The following PCDHGA8 variants were observed in gnomAD, a reference collection of about 807,000 sequenced individuals.
PCDHGA8 encodes the protein protocadherin gamma-A8.
PCDHGA8 carries 45 observed loss-of-function variants against 59.2 expected under a neutral mutation model. The ratio of observed to expected loss-of-function variants is 0.76; its 90% CI spans 0.60 to 0.98. The LOEUF (loss-of-function observed/expected upper bound fraction) is 0.98. Among genes scored for constraint, PCDHGA8 ranks in the 50% least tolerant of loss-of-function variants. The pLI is 0.00. For missense variants in PCDHGA8, 1,257 were observed against 1,196.2 expected (o/e 1.05, Z -0.75); for synonymous variants, 531 against 519.0 (o/e 1.02, Z -0.32).
chr5:141,410,087 G>A (rs1427716409), intron 1 of PCDHGA8: 1 of 1,612,482 alleles, frequency 6.2e-7, no homozygotes, highest in African/African-American at 1.3e-5. Flanking sequence ...GGTGCGCACG[G>A]CTCGAGCCTT....
intron 1 of PCDHGA8, among the ~76,000 whole-genome samples, chr5:141,401,792 T>C (rs1359997438): frequency 6.6e-6 from 1 of 152,212 alleles, no homozygotes; most frequent in Non-Finnish European, 1.5e-5. Context: ...CCTTAGTATG[T>C]GATTCAGTAA....
Position 141,393,642 on chromosome 5 carries a change from G to C in PCDHGA8, c.829G>C (p.Val277Leu). 1 of 1,613,940 alleles carries C rather than the reference G, an allele frequency of 6.2e-7. No individual in the cohort carries two copies. Among genetic ancestry groups the C allele is most frequent in the Non-Finnish European group, 8.5e-7 (1 of 1,179,906 alleles). Residue 277 changes from valine to leucine, a missense_variant, in exon 1 of 4, where the codon GTG (valine) becomes CTG (leucine). Coordinates refer to ENST00000398604, the MANE Select transcript of PCDHGA8 (RefSeq NM_032088.2). ...CCCGGATGAGGGAATCAACGGAAAA[G>C]TGGCATACAAATTCCGGAAAATTAA... Reference protein sequence around the residue: ...SDPDEGINGKVAYKFRKINEK... With the variant: ...SDPDEGINGKLAYKFRKINEK...
At chr5:141,430,301 C>G (rs985986465) in intron 1 of PCDHGA8, among the ~76,000 whole-genome samples, 2 of 150,982 alleles carry the variant, frequency 1.3e-5, no homozygotes, top group Non-Finnish European at 2.9e-5. Context: ...AGCAGATGCA[C>G]TAACATTATA....
intron 1 of PCDHGA8, among the ~76,000 whole-genome samples, chr5:141,407,049 C>T (rs1483952329): frequency 6.6e-6 from 1 of 152,162 alleles, no homozygotes. Context: ...TCCATAGATA[C>T]ACTGATGACT....
chr5:141,420,028 A>C, intron 1 of PCDHGA8: 2 of 1,614,076 alleles, frequency 1.2e-6, no homozygotes, highest in Non-Finnish European at 1.7e-6. Flanking sequence ...GCCCTACTGC[A>C]GGAGACTGCT....
intron 2 of PCDHGA8, among the ~76,000 whole-genome samples, chr5:141,497,642 C>T (rs1426920174): frequency 1.3e-5 from 2 of 151,352 alleles, no homozygotes; most frequent in Middle Eastern, 3.4e-3. Context: ...CAGGTTCAAG[C>T]GATTCTCCTG....
chr5:141,425,869 C>G (rs1376765137), intron 1 of PCDHGA8, among the ~76,000 whole-genome samples: 1 of 152,198 alleles, frequency 6.6e-6, no homozygotes, highest in Non-Finnish European at 1.5e-5. Flanking sequence ...TATAGATTCC[C>G]ATCTCTAAGG....
In PCDHGA8 at chr5:141,431,584, G is replaced by C. The variant is rs201462681; in HGVS notation, c.2424+36347G>C. 5.0e-6 allele frequency: 8 copies of C among 1,614,192 alleles called. No individual in the cohort carries two copies. The Admixed American group carries it at 1.3e-4, about 27-fold the overall frequency. ...CCGACCCTGACGAAGGAGTCAATGC[G>C]GAAGTGAGGTATTCCTTCCGGTATG... On this transcript the variant is annotated intron_variant, in intron 1 of 3. Transcript: ENST00000398604. This position sits in a 1 kb window ranked among gnomAD's most constrained non-coding sequence, Gnocchi z 4.8.
rs201704748 is a variant in PCDHGA8, at chr5:141,431,453, G to A, written c.2424+36216G>A. The A allele has an allele frequency of 5.7e-4, 914 of 1,613,802 alleles. 10 individuals are homozygous for A. The South Asian group carries it at 9.6e-3, about 17-fold the overall frequency. ...AGGCACCGCGCGCATCCGCGTGATG[G>A]TTCTGGATGCGAACGACAACGCACC... On this transcript the variant is annotated intron_variant, in intron 1 of 3. Coordinates refer to ENST00000398604, the MANE Select transcript of PCDHGA8 (RefSeq NM_032088.2). This position sits in a 1 kb window ranked among gnomAD's most constrained non-coding sequence, Gnocchi z 4.8.
intron 1 of PCDHGA8, chr5:141,478,533 C>G: frequency 6.2e-7 from 1 of 1,608,070 alleles, no homozygotes; most frequent in African/African-American, 1.3e-5. Context: ...GCAGAGAGCG[C>G]CCCTCCCGGA....
At chr5:141,494,355 G>T (rs910437011) in intron 1 of PCDHGA8, among the ~76,000 whole-genome samples, 4 of 152,234 alleles carry the variant, frequency 2.6e-5, no homozygotes, top group African/African-American at 9.6e-5. Flanking sequence ...CCATCTTGCT[G>T]CAGAGGATGC....
chr5:141,413,343 G>A, intron 1 of PCDHGA8: 12 of 1,613,994 alleles, frequency 7.4e-6, no homozygotes, highest in Non-Finnish European at 1.0e-5. Context: ...CCAAGGACTT[G>A]GGTCTGGCGC....
intron 1 of PCDHGA8, chr5:141,414,557 A>C: frequency 6.2e-7 from 1 of 1,613,906 alleles, no homozygotes. Flanking sequence ...CAAGTCTCCT[A>C]CTTTACCTAT....
Position 141,432,390 on chromosome 5 carries a change from G to A in PCDHGA8, c.2424+37153G>A. The A allele has an allele frequency of 6.2e-7, 1 of 1,614,256 alleles. No homozygotes were observed. The highest frequency in any genetic ancestry group is 8.5e-7 in the Non-Finnish European group (1 of 1,180,046). On this transcript the variant is annotated intron_variant, in intron 1 of 3. Transcript: ENST00000398604. This position sits in a 1 kb window ranked among gnomAD's most constrained non-coding sequence, Gnocchi z 6.0. ...GACAACGGGCACCCGCCCCTCAGCA[G>A]CAACGTGTCGTTGAGCCTGTTCGTG... is the stretch of plus-strand genomic sequence containing the variant.
chr5:141,476,564 C>G lies in PCDHGA8; in HGVS notation c.2425-18243C>G, dbSNP rs2099393821. 1.2e-6 allele frequency: 2 copies of G among 1,614,196 alleles called. No individual in the cohort carries two copies. Among genetic ancestry groups the G allele is most frequent in the South Asian group, 1.1e-5 (1 of 91,086 alleles). ...ATTGGAGATTAGCGAGGCCGTGGCT[C>G]CGGGGACGCGCTTTCCGCTCGAGAG... On this transcript the variant is annotated intron_variant, in intron 1 of 3. Coordinates refer to ENST00000398604, the MANE Select transcript of PCDHGA8 (RefSeq NM_032088.2). This position sits in a 1 kb window ranked among gnomAD's most constrained non-coding sequence, Gnocchi z 7.6.
At chr5:141,437,896 C>T (rs943440712) in intron 1 of PCDHGA8, among the ~76,000 whole-genome samples, 2 of 152,128 alleles carry the variant, frequency 1.3e-5, no homozygotes, top group African/African-American at 4.8e-5. Flanking sequence ...CGCCACCACA[C>T]CCAGCTAATT....
chr5:141,397,424 T>A (rs975746097), intron 1 of PCDHGA8, among the ~76,000 whole-genome samples: 4 of 152,324 alleles, frequency 2.6e-5, no homozygotes, highest in African/African-American at 9.6e-5. Flanking sequence ...ATAGTATAGA[T>A]TTCCCTAATA....
chr5:141,500,434 C>T (rs1216731905), intron 2 of PCDHGA8, among the ~76,000 whole-genome samples: 1 of 152,014 alleles, frequency 6.6e-6, no homozygotes, highest in Non-Finnish European at 1.5e-5. Flanking sequence ...TGGTCTCGAT[C>T]TCCTGACCTC....
chr5:141,489,846 T>C lies in PCDHGA8; in HGVS notation c.2425-4961T>C. The C allele has an allele frequency of 6.2e-7, 1 of 1,614,190 alleles. No individual in the cohort carries two copies. The highest frequency in any genetic ancestry group is 1.1e-5 in the South Asian group (1 of 91,088). ...TGGTGCTAGAGCAGCAGCTGGATCG[T>C]GAAGCCCAGGCAAGACATCAGCTGG... is the stretch of plus-strand genomic sequence containing the variant. On this transcript the variant is annotated intron_variant, in intron 1 of 3. Coordinates refer to ENST00000398604, the MANE Select transcript of PCDHGA8 (RefSeq NM_032088.2). This position sits in a 1 kb window ranked among gnomAD's most constrained non-coding sequence, Gnocchi z 4.5.
Sources: gnomAD v4.1 joint callset for allele counts (sites outside exome capture counted in the v4.1 genomes callset) on GRCh38, gnomAD v4.1.1 for gene constraint, Gnocchi (gnomAD v3.1) non-coding constraint, MANE v1.5 for transcripts, NCBI Gene and HGNC (gene_info 2026-07-23, HGNC 2026-07-21) for gene names.